The following AFDN variants were observed in gnomAD, a reference collection of about 807,000 sequenced individuals.
AFDN encodes afadin, adherens junction formation factor.
AFDN carries 68 observed loss-of-function variants against 216.6 expected under a neutral mutation model. That is an observed-to-expected ratio of 0.31 (90% CI 0.26 to 0.38). The LOEUF is 0.38. AFDN is among the 10% of genes least tolerant of loss of function. AFDN has a pLI of 1.00. For synonymous variants in AFDN, 868 were observed against 853.7 expected, an observed-to-expected ratio of 1.02 and a Z score of -0.29; for missense variants, 2,136 against 2,342.0, an observed-to-expected ratio of 0.91 and a Z score of 1.82.
At chr6:167,852,283 TCTC>T (rs1236160022) in intron 1 of AFDN, among the ~76,000 whole-genome samples, 1 of 152,220 alleles carries the variant, frequency 6.6e-6, no homozygotes, top group Non-Finnish European at 1.5e-5. Flanking sequence ...TATATTTACT[TCTC>T]CTACATCTCT....
chr6:167,831,479 C>G (rs954870061), intron 1 of AFDN, among the ~76,000 whole-genome samples: 1 of 152,140 alleles, frequency 6.6e-6, no homozygotes, highest in Non-Finnish European at 1.5e-5. Context: ...AGGGACAGCT[C>G]TTATCTAACA....
At chr6:167,894,892 A>C (rs1226771667) in intron 9 of AFDN, among the ~76,000 whole-genome samples, 1 of 152,140 alleles carries the variant, frequency 6.6e-6, no homozygotes, top group Non-Finnish European at 1.5e-5. Flanking sequence ...ATCTCTAAAC[A>C]CATTTTTCAT....
rs67970460 is a variant in AFDN at position 167,887,012 on chromosome 6, CAAAAAAAA to C, written c.898-2189_898-2182del. ...CCTGGGTGACAGAGCGAGACTGTAT[CAAAAAAAA>C]AAAAAAAAAAAAAGAATGCCTGGTG... is the stretch of plus-strand genomic sequence containing the variant. On this transcript the variant is annotated intron_variant, in intron 6 of 33. Transcript: ENST00000683244. Among the ~76,000 whole-genome samples the C allele has an allele frequency of 1.1e-4, 10 of 90,498 alleles. No individual in the cohort carries two copies. In the South Asian group the frequency reaches 1.8e-3, roughly 17 times the overall value. 59.4% of individuals were successfully genotyped at this position (90,498 alleles called of 152,430 possible).
chr6:167,859,229 C>G (rs1465637431), intron 1 of AFDN, among the ~76,000 whole-genome samples: 1 of 152,090 alleles, frequency 6.6e-6, no homozygotes, highest in East Asian at 1.9e-4. Flanking sequence ...AGCCCATATT[C>G]AAATATTTCT....
intron 9 of AFDN, among the ~76,000 whole-genome samples, chr6:167,895,464 C>A (rs1788121892): frequency 6.6e-6 from 1 of 152,158 alleles, no homozygotes; most frequent in Non-Finnish European, 1.5e-5. Context: ...CGATGTGAAG[C>A]AGCACAGATG....
intron 23 of AFDN, among the ~76,000 whole-genome samples, chr6:167,942,585 T>C (rs1045530812): frequency 4.6e-5 from 7 of 152,244 alleles, no homozygotes; most frequent in African/African-American, 9.6e-5. Flanking sequence ...TATTCTTTCA[T>C]AATATATCAA....
At chr6:167,966,094 C>G in intron 32 of AFDN, 49 bp downstream of exon 32, 2 of 1,537,188 alleles carry the variant, frequency 1.3e-6, no homozygotes, top group Non-Finnish European at 1.7e-6. Flanking sequence ...GACCTTCTTC[C>G]TGCCCCTCTT....
At chr6:167,963,068 A>C (rs1797198630) in intron 31 of AFDN, 1 of 1,069,408 alleles carries the variant, frequency 9.4e-7, no homozygotes. Context: ...AACATGATAC[A>C]GGAAAATTTA....
At chr6:167,865,878 T>A (rs1406620126) in intron 2 of AFDN, among the ~76,000 whole-genome samples, 3 of 152,180 alleles carry the variant, frequency 2.0e-5, no homozygotes, top group Non-Finnish European at 4.4e-5. Flanking sequence ...ATGTGGGATT[T>A]TCAGGTGTGA....
chr6:167,873,605 T>G (rs1193334578), intron 4 of AFDN, among the ~76,000 whole-genome samples: 1 of 152,204 alleles, frequency 6.6e-6, no homozygotes, highest in Admixed American at 6.5e-5. Flanking sequence ...TACTCTCATG[T>G]GTTCTGAACC....
rs776910572 is a variant in AFDN at position 167,952,116 on chromosome 6, G to C, written c.4762G>C (p.Glu1588Gln). 1.9e-6 allele frequency: 3 copies of C among 1,613,690 alleles called. No homozygotes were observed. Among genetic ancestry groups the C allele is most frequent in the Non-Finnish European group, 2.5e-6 (3 of 1,179,820 alleles). The change falls in exon 30 of 34, where the codon GAG becomes CAG. Residue 1588 changes from glutamate (E) to glutamine (Q), a missense_variant. Physicochemically the swap from Glu to Gln is conservative, Grantham distance 29. This residue lies in a region of AFDN where 981 missense variants were observed against 966.0 expected (regional missense o/e 1.02). Transcript: ENST00000683244. ...QESKQKDEDD[E>Q]EEEDDDVDTM... ...GTCGAAGCAGAAGGACGAAGATGAC[G>C]AGGAGGAGGAGGACGATGATGTGGA...
At chr6:167,942,382 C>T (rs1794800889) in intron 23 of AFDN, among the ~76,000 whole-genome samples, 1 of 152,178 alleles carries the variant, frequency 6.6e-6, no homozygotes, top group African/African-American at 2.4e-5. Context: ...GAATTATGCT[C>T]AGTTGTATAA....
chr6:167,917,053 AGT>A, intron 19 of AFDN, 34 bp from the exon 20 acceptor site: 1 of 1,583,614 alleles, frequency 6.3e-7, no homozygotes, highest in Non-Finnish European at 8.6e-7. Flanking sequence ...TAACTTTACA[AGT>A]GTGATATTTT....
chr6:167,901,308 T>G (rs915653972), intron 11 of AFDN, among the ~76,000 whole-genome samples: 1 of 152,170 alleles, frequency 6.6e-6, no homozygotes, highest in African/African-American at 2.4e-5. Context: ...AGGGCTTTTT[T>G]TTGTGGAGGT....
At chr6:167,909,864 C>A (rs1374965474) in intron 13 of AFDN, among the ~76,000 whole-genome samples, 4 of 152,126 alleles carry the variant, frequency 2.6e-5, no homozygotes, top group Non-Finnish European at 5.9e-5. Context: ...TTTTCAGAGA[C>A]ATTTTTGAGA....
At chr6:167,921,135 T>C (rs980327577) in intron 21 of AFDN, among the ~76,000 whole-genome samples, 10 of 152,218 alleles carry the variant, frequency 6.6e-5, no homozygotes, top group African/African-American at 2.4e-4. Context: ...AATAAGCATG[T>C]AAGGTGACTA....
chr6:167,901,509 A>C (rs959649679), intron 11 of AFDN, among the ~76,000 whole-genome samples: 2 of 152,200 alleles, frequency 1.3e-5, no homozygotes, highest in Admixed American at 1.3e-4. Flanking sequence ...ATCAGTTTAA[A>C]CTAGGATAAT....
At chr6:167,888,130 G>C (rs944665533) in intron 6 of AFDN, among the ~76,000 whole-genome samples, 1 of 152,170 alleles carries the variant, frequency 6.6e-6, no homozygotes, top group Non-Finnish European at 1.5e-5. Context: ...AAAGAGATGA[G>C]TGAAGGTCAG....
In AFDN at chr6:167,942,258, CAT is replaced by C. The variant is rs766155391; in HGVS notation, c.3100-870_3100-869del. On this transcript the variant is annotated intron_variant, in intron 23 of 33. Coordinates refer to ENST00000683244, the MANE Select transcript of AFDN (RefSeq NM_001386888.1). ...TACAGAAAATCTGTTTTAACTAAGTCATGTGTTGAATCGTATCTTCGTACCTT... is the reference window on the plus strand; with the variant it reads ...TACAGAAAATCTGTTTTAACTAAGTCGTGTTGAATCGTATCTTCGTACCTT... 2.6e-5 allele frequency among the ~76,000 whole-genome samples: 4 copies of C among 152,322 alleles called. No individual in the cohort carries two copies. The East Asian group carries it at 7.7e-4, about 29-fold the overall frequency.
Sources: gnomAD v4.1 joint callset for allele counts (sites outside exome capture counted in the v4.1 genomes callset) on GRCh38, gnomAD v4.1.1 for gene constraint, gnomAD v4.1.1 regional missense constraint, MANE v1.5 for transcripts, NCBI Gene and HGNC (gene_info 2026-07-23, HGNC 2026-07-21) for gene names.